Variants in NSMCE1 observed in about 807,000 individuals in gnomAD.
NSMCE1 encodes NSE1 component of SMC5/6 complex, also known as non-structural maintenance of chromosomes element 1 homolog.
In NSMCE1, 18 loss-of-function variants were observed where a neutral mutation model predicts 29.6. The observed-to-expected ratio is 0.61, with a 90% CI of 0.42 to 0.90. The LOEUF is 0.90. Ranked by LOEUF, NSMCE1 falls within the 40% of genes least tolerant of loss-of-function variation. The probability of loss-of-function intolerance (pLI) is 0.00; values close to 1 mark genes in which losing one functional copy is unlikely to be tolerated. For missense variants in NSMCE1, 314 were observed against 343.6 expected, an observed-to-expected ratio of 0.91 and a Z score of 0.68; for synonymous variants, 124 against 133.4, an observed-to-expected ratio of 0.93 and a Z score of 0.49.
Position 27,230,270 on chromosome 16 carries a change from G to A in NSMCE1, c.483+2731C>T, listed in dbSNP as rs74016040. On this transcript the variant is annotated intron_variant, in intron 5 of 7. Coordinates refer to ENST00000361439, the MANE Select transcript of NSMCE1 (RefSeq NM_145080.4). ...GGCTGTCCAGGAGTGACGTGTCCTTGGGGTGATATACCCACCTGGAAGGGC... is the reference window on the plus strand; with the variant it reads ...GGCTGTCCAGGAGTGACGTGTCCTTAGGGTGATATACCCACCTGGAAGGGC... 5.1e-3 allele frequency among the ~76,000 whole-genome samples: 783 copies of A among 152,318 alleles called. 10 individuals are homozygous for A. Among genetic ancestry groups the A allele is most frequent in the African/African-American group, 0.018 (752 of 41,568 alleles).
At chr16:27,248,406 C>CTTTTTTTTT (rs756697569) in intron 2 of NSMCE1, among the ~76,000 whole-genome samples, 9 of 84,770 alleles carry the variant, frequency 1.1e-4, no homozygotes, top group South Asian at 4.5e-4. Context: ...TTTTAGTTTG[C>CTTTTTTTTT]TTTTTTTTTT....
intron 5 of NSMCE1, among the ~76,000 whole-genome samples, chr16:27,231,417 A>G (rs2083761104): frequency 6.6e-6 from 1 of 152,118 alleles, no homozygotes; most frequent in African/African-American, 2.4e-5. Context: ...CAGGCGGATC[A>G]CCTGAGGTCA....
At chr16:27,233,951 T>TG (rs1365201183) in intron 4 of NSMCE1, 1 of 509,340 alleles carries the variant, frequency 2.0e-6, no homozygotes, top group Non-Finnish European at 3.5e-6. Flanking sequence ...CCCATCCAGT[T>TG]GGGGCTCACA....
At position 27,232,105 on chromosome 16, in the gene NSMCE1, C is replaced by T. The variant is rs561489011; in HGVS notation, c.483+896G>A. Among the ~76,000 whole-genome samples the T allele has an allele frequency of 1.1e-4, 17 of 152,230 alleles. No homozygotes were observed. The highest frequency in any genetic ancestry group is 6.2e-4 in the South Asian group (3 of 4,822). On this transcript the variant is annotated intron_variant, in intron 5 of 7. Coordinates refer to ENST00000361439, the MANE Select transcript of NSMCE1 (RefSeq NM_145080.4). The surrounding 1 kb of genome is among the most constrained non-coding windows in gnomAD (Gnocchi z 4.5). ...AACACAGACTTCCCCAACCCAGACG[C>T]GAGCCTTCCTGAAAAGGAAGCGGAG...
At chr16:27,265,194 G>T (rs1185461225) in intron 1 of NSMCE1, among the ~76,000 whole-genome samples, 4 of 124,762 alleles carry the variant, frequency 3.2e-5, no homozygotes, top group African/African-American at 1.1e-4. Context: ...TTGAGACAGG[G>T]TCTCACTCTG....
chr16:27,244,323 C>T (rs576686544), intron 2 of NSMCE1, among the ~76,000 whole-genome samples: 24 of 152,350 alleles, frequency 1.6e-4, no homozygotes, highest in African/African-American at 5.8e-4. Flanking sequence ...GTCGCTCTGA[C>T]AGGCGCACGC....
chr16:27,237,557 C>T (rs112826019), intron 2 of NSMCE1, among the ~76,000 whole-genome samples: 71 of 152,318 alleles, frequency 4.7e-4, no homozygotes, highest in African/African-American at 1.6e-3. Flanking sequence ...GAGGCCCAGA[C>T]ATCAAAAAGC....
chr16:27,258,702 G>C (rs2084116272), intron 1 of NSMCE1, among the ~76,000 whole-genome samples: 1 of 152,130 alleles, frequency 6.6e-6, no homozygotes, highest in East Asian at 1.9e-4. Context: ...CCAAGCACCT[G>C]GCACATAAGA....
At chr16:27,261,554 T>C (rs1338625999) in intron 1 of NSMCE1, among the ~76,000 whole-genome samples, 4 of 152,202 alleles carry the variant, frequency 2.6e-5, no homozygotes, top group African/African-American at 9.7e-5. Context: ...CCTATAACCA[T>C]TAATGACATT....
At chr16:27,225,510 T>G (rs1283501703) in intron 7 of NSMCE1, among the ~76,000 whole-genome samples, 2 of 152,226 alleles carry the variant, frequency 1.3e-5, no homozygotes, top group Non-Finnish European at 2.9e-5. Context: ...CTCATACACG[T>G]TGGAATTTCA....
At chr16:27,250,774 C>T (rs2084018244) in intron 2 of NSMCE1, among the ~76,000 whole-genome samples, 1 of 148,902 alleles carries the variant, frequency 6.7e-6, no homozygotes, top group Non-Finnish European at 1.5e-5. Context: ...GCCTGGGAGG[C>T]TTTTTTGAGA....
At position 27,225,204 on chromosome 16, in the gene NSMCE1, C is replaced by T; in HGVS notation, c.754G>A (p.Gly252Ser). 6.2e-7 allele frequency: 1 copy of T among 1,607,484 alleles called. No homozygotes were observed. The highest frequency in any genetic ancestry group is 2.2e-5 in the East Asian group (1 of 44,852). ...GACTTTTTGTTCGATTTCAAGACAC[C>T]AGACTCCCTCTCCTTCTCAGGGTCG... ...VFDPEKERES[G>S]VLKSNKKSLR... The change falls in exon 8 of 8, where the codon GGT (glycine) becomes AGT (serine). Residue 252 changes from glycine to serine, a missense_variant. Transcript: ENST00000361439.
intron 1 of NSMCE1, among the ~76,000 whole-genome samples, chr16:27,264,035 T>C (rs2084192029): frequency 1.3e-5 from 2 of 151,966 alleles, no homozygotes; most frequent in South Asian, 4.2e-4. Context: ...TGGGAGAAAA[T>C]AAAGGCAGAA....
intron 2 of NSMCE1, among the ~76,000 whole-genome samples, chr16:27,246,687 G>A (rs186988724): frequency 2.6e-5 from 4 of 152,054 alleles, no homozygotes; most frequent in South Asian, 4.2e-4. Context: ...ACAGTGTTTC[G>A]CCATGTTGCC....
In NSMCE1 at chr16:27,226,813, G is replaced by T; in HGVS notation, c.507C>A (p.His169Gln). Reference protein sequence around the residue: ...LIEKEGEFTLHGRAILEMEQY... With the variant: ...LIEKEGEFTLQGRAILEMEQY... Reference sequence around the variant, plus strand: ...GCTCCATCTCCAGGATGGCCCGGCCGTGCAGGGTGAACTCCCCTTCCTTCT... The same window carrying T: ...GCTCCATCTCCAGGATGGCCCGGCCTTGCAGGGTGAACTCCCCTTCCTTCT... Residue 169 changes from histidine (H) to glutamine (Q), a missense_variant, in exon 6 of 8, where the codon CAC becomes CAA. By Grantham distance (24) the His-to-Gln change is conservative. Coordinates refer to ENST00000361439, the MANE Select transcript of NSMCE1 (RefSeq NM_145080.4). 6.2e-7 allele frequency: 1 copy of T among 1,613,370 alleles called. No homozygotes were observed.
At chr16:27,265,072 T>C (rs2084207081) in intron 1 of NSMCE1, among the ~76,000 whole-genome samples, 2 of 151,828 alleles carry the variant, frequency 1.3e-5, no homozygotes, top group African/African-American at 4.8e-5. Context: ...TGAAGGAATG[T>C]CTTAGCCACC....
At chr16:27,261,460 T>C (rs984416411) in intron 1 of NSMCE1, among the ~76,000 whole-genome samples, 1 of 152,082 alleles carries the variant, frequency 6.6e-6, no homozygotes, top group Non-Finnish European at 1.5e-5. Flanking sequence ...CAATAATTTA[T>C]AATAATCTGA....
Position 27,233,166 on chromosome 16 carries a change from A to C in NSMCE1, c.337-19T>G. On this transcript the variant is annotated intron_variant, in intron 4 of 7. Transcript: ENST00000361439. The stretch of plus-strand genomic sequence containing the variant: ...GTTCCAGCTGGAAGAAAGAGCAGGT[A>C]TCATGCTCATCTATTAAAATGGCAA... 1 of 1,601,172 alleles carries C rather than the reference A, an allele frequency of 6.2e-7. No homozygotes were observed. The highest frequency in any genetic ancestry group is 8.5e-7 in the Non-Finnish European group (1 of 1,174,422).
At chr16:27,251,162 ATATATATATATAT>A (rs2084024770) in intron 2 of NSMCE1, among the ~76,000 whole-genome samples, 2 of 51,420 alleles carry the variant, frequency 3.9e-5, no homozygotes, top group African/African-American at 3.3e-4. Flanking sequence ...TATTTAAAAT[ATATATATATATAT>A]ATATATATAT....
Sources: gnomAD v4.1 joint callset for allele counts (sites outside exome capture counted in the v4.1 genomes callset) on GRCh38, gnomAD v4.1.1 for gene constraint, Gnocchi (gnomAD v3.1) non-coding constraint, MANE v1.5 for transcripts, NCBI Gene and HGNC (gene_info 2026-07-23, HGNC 2026-07-21) for gene names.